SLC4A1AP: variants seen among roughly 807,000 people sequenced by gnomAD.
The protein encoded by SLC4A1AP is kanadaptin.
In SLC4A1AP, 64 loss-of-function variants were observed where a neutral mutation model predicts 89.7. The ratio of observed to expected loss-of-function variants is 0.71; its 90% CI spans 0.58 to 0.88. SLC4A1AP has a LOEUF of 0.88. Ranked by LOEUF, SLC4A1AP falls within the 40% of genes least tolerant of loss-of-function variation. The pLI, the probability that SLC4A1AP is intolerant of heterozygous loss-of-function variation, is 0.00. For synonymous variants in SLC4A1AP, 366 were observed against 353.3 expected (o/e 1.04, Z -0.40); for missense variants, 931 against 965.0 (o/e 0.96, Z 0.47).
At chr2:27,690,545 G>A (rs1031329163) in intron 12 of SLC4A1AP, among the ~76,000 whole-genome samples, 5 of 152,156 alleles carry the variant, frequency 3.3e-5, no homozygotes, top group Admixed American at 2.0e-4. Flanking sequence ...GAGTGCAGTG[G>A]TGTGATCATG....
intron 7 of SLC4A1AP, 23 bp downstream of exon 7, chr2:27,677,387 A>G: frequency 1.3e-6 from 2 of 1,512,204 alleles, no homozygotes; most frequent in Non-Finnish European, 1.8e-6. Context: ...TCAAATATTT[A>G]TTAATATACC....
At chr2:27,693,623 G>T in intron 12 of SLC4A1AP, 62 bp from the exon 13 acceptor site, 1 of 1,343,448 alleles carries the variant, frequency 7.4e-7, no homozygotes, top group Non-Finnish European at 1.0e-6. Context: ...AATCCCTTCT[G>T]CAGTTGTAAG....
chr2:27,693,500 G>A (rs1675822437), intron 12 of SLC4A1AP, 185 bp from the exon 13 acceptor site: 1 of 569,790 alleles, frequency 1.8e-6, no homozygotes, highest in African/African-American at 1.9e-5. Flanking sequence ...CCCTCAGCAT[G>A]TGCTTGTCTG....
rs1338998856 is a variant in SLC4A1AP, at chr2:27,693,624, C to T, written c.2272-61C>T. 31 of 1,353,220 alleles carry T rather than the reference C, an allele frequency of 2.3e-5. No individual in the cohort carries two copies. In the Admixed American group the frequency reaches 5.6e-4, roughly 24 times the overall value. The allele number at this position is 1,353,220 out of a possible 1,614,324, so 83.8% of individuals were successfully genotyped here. On this transcript the variant is annotated intron_variant, in intron 12 of 13. Transcript: ENST00000613058. ...AACAATAGGACCCCAATCCCTTCTG[C>T]AGTTGTAAGGTTTCTGGAGAGAAAT...
chr2:27,664,799 G>A (rs1675277991), intron 1 of SLC4A1AP, among the ~76,000 whole-genome samples: 1 of 152,208 alleles, frequency 6.6e-6, no homozygotes, highest in Non-Finnish European at 1.5e-5. Context: ...CAGGCGCGGT[G>A]GCTCGCGCCT....
exon 2 of SLC4A1AP, chr2:27,665,211 G>A: frequency 1.9e-6 from 3 of 1,613,846 alleles, no homozygotes; most frequent in Non-Finnish European, 2.5e-6. Flanking sequence ...AGAAGACTCA[G>A]ATGAAGAAGA....
At chr2:27,676,384 C>G (rs989790086) in intron 6 of SLC4A1AP, among the ~76,000 whole-genome samples, 1 of 152,172 alleles carries the variant, frequency 6.6e-6, no homozygotes, top group African/African-American at 2.4e-5. Flanking sequence ...AAAACATTAC[C>G]CAACATCTAT....
In SLC4A1AP at chr2:27,674,297, C is replaced by A. The variant is rs567058027; in HGVS notation, c.1346-1235C>A. Among the ~76,000 whole-genome samples the A allele has an allele frequency of 2.6e-5, 4 of 152,188 alleles. No homozygotes were observed. The South Asian group carries it at 6.2e-4, about 24-fold the overall frequency. Reference sequence around the variant, plus strand: ...GGGGAAAGAGGTACTTTTATCAGAACAAAGGGAGTAGAATGTTGTAGGGTG... The same window carrying A: ...GGGGAAAGAGGTACTTTTATCAGAAAAAAGGGAGTAGAATGTTGTAGGGTG... On this transcript the variant is annotated intron_variant, in intron 5 of 13. Coordinates refer to ENST00000613058, the Ensembl canonical transcript of SLC4A1AP.
chr2:27,677,196 A>T, intron 6 of SLC4A1AP, 99 bp from the exon 7 acceptor site: 4 of 835,362 alleles, frequency 4.8e-6, no homozygotes, highest in Non-Finnish European at 8.0e-6. Context: ...TTTTGAATTA[A>T]TCTTCTTAAA....
Position 27,682,262 on chromosome 2 carries a change from C to T in SLC4A1AP, c.1778C>T (p.Thr593Ile), listed in dbSNP as rs1283109210. The T allele has an allele frequency of 3.1e-6, 5 of 1,612,126 alleles. No homozygotes were observed. In the African/African-American group the frequency reaches 4.0e-5, roughly 13 times the overall value. The change falls in exon 9 of 14, where the codon ACT becomes ATT. Residue 593 changes from threonine (T) to isoleucine (I), a missense_variant. Transcript: ENST00000613058. ...TTTCTTCCTAGGACTGAAACTCAGA[C>T]TACAGGTGCAGAAAACAAAGCTAAA...
exon 8 of SLC4A1AP, chr2:27,677,775 G>C (rs116617546): frequency 6.2e-7 from 1 of 1,611,992 alleles, no homozygotes; most frequent in East Asian, 2.2e-5. Context: ...CTTTAGATGC[G>C]TTCATGTCAG....
rs1337774494 is a variant in SLC4A1AP at position 27,669,334 on chromosome 2, C to G, written c.1292C>G (p.Ser431Ter). The G allele has an allele frequency of 7.4e-6, 12 of 1,613,266 alleles. No homozygotes were observed. The highest frequency in any genetic ancestry group is 1.0e-5 in the Non-Finnish European group (12 of 1,179,862). ...AAAAAAGAAGCAATGATCCAGTGCT[C>G]ATTGGAAGCTTGTCGGATTCTTGAC... Residue 431 changes from serine (S) to a stop codon, truncating the protein, a stop_gained, in exon 5 of 14, where the codon TCA becomes TGA. Coordinates refer to ENST00000613058, the Ensembl canonical transcript of SLC4A1AP. LOFTEE classifies it high-confidence loss of function.
At chr2:27,689,766 T>C (rs1025645887) in intron 12 of SLC4A1AP, among the ~76,000 whole-genome samples, 2 of 152,190 alleles carry the variant, frequency 1.3e-5, no homozygotes, top group African/African-American at 4.8e-5. Flanking sequence ...TCAGTTAGGG[T>C]AGCAGAAACC....
exon 10 of SLC4A1AP, chr2:27,685,272 C>G (rs749245051): frequency 2.5e-6 from 4 of 1,605,094 alleles, no homozygotes; most frequent in Admixed American, 3.5e-5. Flanking sequence ...GAAACCCAAA[C>G]CCATGGTAAT....
intron 10 of SLC4A1AP, 151 bp downstream of exon 10, chr2:27,685,428 T>G (rs1291874915): frequency 8.4e-6 from 9 of 1,071,960 alleles, no homozygotes; most frequent in Non-Finnish European, 1.2e-5. Flanking sequence ...TTTCTTGGTC[T>G]TCTTCCTTTG....
intron 9 of SLC4A1AP, among the ~76,000 whole-genome samples, chr2:27,683,234 A>AAT (rs1322567611): frequency 6.6e-6 from 1 of 152,178 alleles, no homozygotes; most frequent in Non-Finnish European, 1.5e-5. Flanking sequence ...GCTACCCTAC[A>AAT]ATATATGTCT....
chr2:27,688,057 A>G (rs1448821409), intron 11 of SLC4A1AP, 37 bp downstream of exon 11: 3 of 1,556,054 alleles, frequency 1.9e-6, no homozygotes, highest in Admixed American at 1.7e-5. Flanking sequence ...TGCTCTGCAC[A>G]CAGGTGGCTG....
At chr2:27,686,091 A>G (rs1675701629) in intron 10 of SLC4A1AP, among the ~76,000 whole-genome samples, 1 of 152,192 alleles carries the variant, frequency 6.6e-6, no homozygotes, top group African/African-American at 2.4e-5. Flanking sequence ...AATAAGGAGT[A>G]TGAGGAGAAA....
exon 2 of SLC4A1AP, chr2:27,665,185 A>C (rs1186649098): frequency 6.2e-7 from 1 of 1,613,780 alleles, no homozygotes; most frequent in South Asian, 1.1e-5. Flanking sequence ...ATATTGTTGG[A>C]GAAGAAGATG....
Sources: allele counts gnomAD v4.1 joint callset (sites outside exome capture counted in the v4.1 genomes callset), GRCh38; gene constraint gnomAD v4.1.1; transcripts MANE v1.5; gene names NCBI Gene and HGNC (gene_info 2026-07-23, HGNC 2026-07-21).